The following TANC2 variants were observed in gnomAD, a reference collection of about 807,000 sequenced individuals.
TANC2 encodes protein TANC2.
Under a neutral mutation model 210.5 loss-of-function variants are expected in TANC2, and 26 were observed. The observed-to-expected ratio is 0.12, with a 90% confidence interval of 0.09 to 0.17. The LOEUF (loss-of-function observed/expected upper bound fraction) is 0.17. Among genes scored for constraint, TANC2 ranks in the 10% least tolerant of loss-of-function variants. The pLI is 1.00. For missense variants in TANC2, 2,129 were observed against 2,608.9 expected, an observed-to-expected ratio of 0.82 and a Z score of 4.01; for synonymous variants, 931 against 967.1, an observed-to-expected ratio of 0.96 and a Z score of 0.69.
chr17:63,393,602 A>G (rs2048049698), intron 17 of TANC2: 1 of 152,176 alleles, frequency 6.6e-6, no homozygotes. Flanking sequence ...AATGTCTTCC[A>G]GGTTTCTCAG....
At chr17:63,220,719 A>AAAATAT (rs1386491486) in intron 7 of TANC2, among the ~76,000 whole-genome samples, 1 of 134,410 alleles carries the variant, frequency 7.4e-6, no homozygotes, top group South Asian at 2.2e-4. Context: ...AAAAAAAAAA[A>AAAATAT]ATATATATAT....
intron 1 of TANC2, among the ~76,000 whole-genome samples, chr17:62,995,873 C>T (rs573754219): frequency 2.6e-5 from 4 of 152,146 alleles, no homozygotes; most frequent in Admixed American, 6.5e-5. Flanking sequence ...ATGGAAGGAT[C>T]CTTTGAGCCA....
chr17:63,358,376 A>AGTGTGTGTGTGT (rs1555641221), intron 14 of TANC2, among the ~76,000 whole-genome samples: 18 of 80,938 alleles, frequency 2.2e-4, no homozygotes, highest in African/African-American at 5.5e-4. Flanking sequence ...AGAGAGAGAG[A>AGTGTGTGTGTGT]GTATGTGTGT....
intron 5 of TANC2, among the ~76,000 whole-genome samples, chr17:63,177,808 C>A (rs1220486386): frequency 6.6e-6 from 1 of 152,176 alleles, no homozygotes; most frequent in South Asian, 2.1e-4. Context: ...ACTGTACAGG[C>A]ACATTTCAAG....
At chr17:63,096,110 A>G (rs1395257259) in intron 3 of TANC2, among the ~76,000 whole-genome samples, 1 of 152,154 alleles carries the variant, frequency 6.6e-6, no homozygotes, top group Non-Finnish European at 1.5e-5. Flanking sequence ...TGTTTATGTA[A>G]CTGTAAAATA....
In TANC2 at chr17:63,212,974, A is replaced by G. The variant is rs182312917; in HGVS notation, c.769+12017A>G. 1.6e-4 allele frequency among the ~76,000 whole-genome samples: 25 copies of G among 152,338 alleles called. 1 individual carries two copies. The highest frequency in any genetic ancestry group is 4.6e-4 in the Admixed American group (7 of 15,298). On this transcript the variant is annotated intron_variant, in intron 7 of 27. Transcript: ENST00000689528. ...ATGAGACATATATCTGCTAACACTT[A>G]TGTTCAAAATAAGGTAACTAATATT...
intron 6 of TANC2, among the ~76,000 whole-genome samples, chr17:63,197,151 G>A (rs1325111888): frequency 6.6e-6 from 1 of 152,090 alleles, no homozygotes. Context: ...TGATTTGGGG[G>A]AAATTACATC....
intron 14 of TANC2, among the ~76,000 whole-genome samples, chr17:63,364,301 G>A (rs2047048563): frequency 1.3e-5 from 2 of 152,028 alleles, no homozygotes; most frequent in African/African-American, 4.8e-5. Context: ...TAGGCAAACT[G>A]TTCCCATCTT....
intron 7 of TANC2, among the ~76,000 whole-genome samples, chr17:63,229,640 A>G (rs146311437): frequency 1.5e-3 from 224 of 150,200 alleles, no homozygotes; most frequent in Middle Eastern, 0.01. Context: ...TTATTGGTCT[A>G]TTCAGGGATT....
intron 14 of TANC2, among the ~76,000 whole-genome samples, chr17:63,358,374 A>AGTGTGTGTGT (rs1292661752): frequency 4.2e-5 from 4 of 94,698 alleles, no homozygotes; most frequent in African/African-American, 1.6e-4. Context: ...AGAGAGAGAG[A>AGTGTGTGTGT]GAGTATGTGT....
chr17:63,345,621 A>C (rs2046379583), intron 12 of TANC2, among the ~76,000 whole-genome samples: 1 of 88,776 alleles, frequency 1.1e-5, no homozygotes, highest in South Asian at 4.2e-4. Context: ...TTCTGTCTCA[A>C]AAAAAAAAAA....
chr17:63,251,045 C>G (rs2043042002), intron 8 of TANC2, among the ~76,000 whole-genome samples: 1 of 152,106 alleles, frequency 6.6e-6, no homozygotes, highest in Admixed American at 6.6e-5. Context: ...GAATTTAGTT[C>G]TACATTGAGT....
chr17:63,069,591 T>G (rs1219938460), intron 2 of TANC2, among the ~76,000 whole-genome samples: 1 of 152,200 alleles, frequency 6.6e-6, no homozygotes, highest in East Asian at 1.9e-4. Flanking sequence ...AACTCAGGTC[T>G]TATTATGCCC....
intron 2 of TANC2, among the ~76,000 whole-genome samples, chr17:63,073,384 A>G (rs1184039126): frequency 6.6e-6 from 1 of 152,132 alleles, no homozygotes; most frequent in Non-Finnish European, 1.5e-5. Context: ...AAGAAGATGT[A>G]TACAATGAAA....
At chr17:63,065,502 T>G (rs1366993954) in intron 2 of TANC2, among the ~76,000 whole-genome samples, 1 of 152,218 alleles carries the variant, frequency 6.6e-6, no homozygotes, top group African/African-American at 2.4e-5. Flanking sequence ...TTTTCTATAA[T>G]CGCTGTACTA....
chr17:63,217,611 G>A (rs903889807), intron 7 of TANC2, among the ~76,000 whole-genome samples: 3 of 152,096 alleles, frequency 2.0e-5, no homozygotes, highest in Non-Finnish European at 4.4e-5. Context: ...TTGCCATAAG[G>A]AAAACTTTTG....
chr17:63,145,671 C>T (rs1453509623), intron 4 of TANC2, among the ~76,000 whole-genome samples: 1 of 151,978 alleles, frequency 6.6e-6, no homozygotes, highest in Non-Finnish European at 1.5e-5. Flanking sequence ...TGTCCTTTTC[C>T]CACTAAATGG....
intron 5 of TANC2, among the ~76,000 whole-genome samples, chr17:63,161,530 CA>C (rs1434668021): frequency 1.3e-5 from 2 of 152,142 alleles, no homozygotes; most frequent in Non-Finnish European, 2.9e-5. Context: ...CCCTCTTCCC[CA>C]AAGCACTTAT....
chr17:63,001,809 A>C (rs1224616867), intron 1 of TANC2, among the ~76,000 whole-genome samples: 4 of 151,988 alleles, frequency 2.6e-5, no homozygotes, highest in Non-Finnish European at 1.5e-5. Flanking sequence ...CTACCTCCCA[A>C]AGTGTTGAGA....
Sources: allele counts gnomAD v4.1 joint callset (sites outside exome capture counted in the v4.1 genomes callset), GRCh38; gene constraint gnomAD v4.1.1; transcripts MANE v1.5; gene names NCBI Gene and HGNC (gene_info 2026-07-23, HGNC 2026-07-21).